USP45: variants seen among roughly 807,000 people sequenced by gnomAD.
USP45 encodes the protein ubiquitin specific peptidase 45.
Under a neutral mutation model 95.8 loss-of-function variants are expected in USP45, and 89 were observed. The observed-to-expected ratio is 0.93, with a 90% CI of 0.78 to 1.11. The LOEUF is 1.11. USP45 is among the 50% of genes least tolerant of loss of function. The pLI is 0.00. For missense variants in USP45, 898 were observed against 942.5 expected, an observed-to-expected ratio of 0.95 and a Z score of 0.62; for synonymous variants, 281 against 316.2, an observed-to-expected ratio of 0.89 and a Z score of 1.18.
intron 9 of USP45, among the ~76,000 whole-genome samples, chr6:99,471,182 C>T (rs1789305140): frequency 6.6e-6 from 1 of 152,074 alleles, no homozygotes; most frequent in African/African-American, 2.4e-5. Context: ...GTTTAAAAGT[C>T]AATTAATAGG....
chr6:99,485,800 G>A (rs1330262185), intron 7 of USP45, among the ~76,000 whole-genome samples: 1 of 152,172 alleles, frequency 6.6e-6, no homozygotes, highest in Non-Finnish European at 1.5e-5. Flanking sequence ...ACTGGGGTTT[G>A]TAACAAGAAT....
intron 5 of USP45, among the ~76,000 whole-genome samples, chr6:99,495,195 C>T (rs1337836283): frequency 2.6e-5 from 4 of 152,188 alleles, no homozygotes; most frequent in Non-Finnish European, 1.5e-5. Flanking sequence ...AAAATTTATA[C>T]TTTGGCCAAG....
intron 7 of USP45, among the ~76,000 whole-genome samples, chr6:99,483,663 C>A (rs986005115): frequency 2.6e-5 from 4 of 151,102 alleles, no homozygotes; most frequent in African/African-American, 4.9e-5. Flanking sequence ...AAGGTGAAAC[C>A]CTGTCTCTAC....
At chr6:99,505,496 A>C (rs1404436089) in intron 4 of USP45, among the ~76,000 whole-genome samples, 6 of 151,674 alleles carry the variant, frequency 4.0e-5, no homozygotes, top group Admixed American at 6.6e-5. Context: ...TGAAATACCA[A>C]CTCTACTAAA....
chr6:99,514,482 A>G (rs1419419328), intron 1 of USP45, among the ~76,000 whole-genome samples: 2 of 152,000 alleles, frequency 1.3e-5, no homozygotes, highest in Non-Finnish European at 2.9e-5. Context: ...AAGGCCTGCT[A>G]TGTTAACTCT....
chr6:99,509,657 A>G (rs1223214407), intron 2 of USP45, among the ~76,000 whole-genome samples: 1 of 152,072 alleles, frequency 6.6e-6, no homozygotes, highest in East Asian at 1.9e-4. Flanking sequence ...CAAAAAAAAA[A>G]AAAAAGCCAA....
At chr6:99,494,677 T>TA (rs548159808) in intron 5 of USP45, among the ~76,000 whole-genome samples, 177 of 152,218 alleles carry the variant, frequency 1.2e-3, no homozygotes, top group African/African-American at 4.2e-3. Context: ...CAGGATCACT[T>TA]AAAGTCAGGA....
intron 5 of USP45, among the ~76,000 whole-genome samples, chr6:99,499,636 C>T (rs902856284): frequency 3.9e-5 from 6 of 152,176 alleles, no homozygotes; most frequent in African/African-American, 1.4e-4. Flanking sequence ...GAAAGCTCCA[C>T]TCCCTCTCAA....
chr6:99,500,358 A>G (rs769529043), intron 5 of USP45, among the ~76,000 whole-genome samples: 4 of 152,112 alleles, frequency 2.6e-5, no homozygotes, highest in Non-Finnish European at 4.4e-5. Context: ...TCCTGGCCTC[A>G]AGTGATCTGC....
chr6:99,445,509 A>T (rs988615526), intron 14 of USP45, among the ~76,000 whole-genome samples: 10 of 151,400 alleles, frequency 6.6e-5, no homozygotes, highest in African/African-American at 2.2e-4. Flanking sequence ...AGTTGTAGGG[A>T]TATTTCTTCT....
At chr6:99,483,613 T>G (rs1281457085) in intron 7 of USP45, among the ~76,000 whole-genome samples, 6 of 148,188 alleles carry the variant, frequency 4.0e-5, no homozygotes, top group Non-Finnish European at 9.0e-5. Flanking sequence ...CCGAGGCGGG[T>G]GGATCATGAG....
chr6:99,432,401 CAAT>C lies in USP45; in HGVS notation c.*3312_*3314del, dbSNP rs1319498357. On this transcript the variant is annotated 3_prime_UTR_variant, in exon 18 of 18. Transcript: ENST00000500704. ...ATGCATTGTTGATAAAACATTCTGT[CAAT>C]AACGTAAACTGTGAAAATTCCAGGA... is the stretch of plus-strand genomic sequence containing the variant. 1 of 151,396 alleles carries C rather than the reference CAAT, an allele frequency of 6.6e-6. No homozygotes were observed. Among genetic ancestry groups the C allele is most frequent in the African/African-American group, 2.5e-5 (1 of 40,750 alleles). 9.4% of individuals were successfully genotyped at this position (151,396 alleles called of 1,614,324 possible). A position where few individuals can be genotyped will look rare whatever the true frequency, so the allele number is the denominator to read the frequency against.
chr6:99,462,532 G>A (rs1786718644), intron 13 of USP45: 5 of 985,356 alleles, frequency 5.1e-6, no homozygotes, highest in Non-Finnish European at 6.0e-6. Context: ...AACTCTGTAA[G>A]ATGCTTTGTT....
In USP45 at chr6:99,465,090, ATT is replaced by A; in HGVS notation, c.1152_1153del (p.Ile385ArgfsTer15). Reference sequence around the variant, plus strand: ...TTTTCTTCTCCTTACCCTTTCTTCTATTATAGGAAGTGAAATATCAATGAATG... The same window carrying A: ...TTTTCTTCTCCTTACCCTTTCTTCTAATAGGAAGTGAAATATCAATGAATG... On this transcript the variant is annotated frameshift_variant, in exon 12 of 18. Transcript: ENST00000500704. LOFTEE classifies it high-confidence loss of function. The A allele has an allele frequency of 1.3e-6, 2 of 1,599,108 alleles. No individual in the cohort carries two copies. The highest frequency in any genetic ancestry group is 1.7e-6 in the Non-Finnish European group (2 of 1,171,396).
intron 8 of USP45, among the ~76,000 whole-genome samples, chr6:99,480,102 T>C (rs1233630472): frequency 6.6e-6 from 1 of 152,162 alleles, no homozygotes; most frequent in South Asian, 2.1e-4. Flanking sequence ...TTTCTGTATA[T>C]TAACAATGAA....
At chr6:99,457,698 T>C (rs6916617) in intron 13 of USP45, among the ~76,000 whole-genome samples, 46,052 of 152,068 alleles carry the variant, frequency 0.3, 7,273 homozygotes, top group Middle Eastern at 0.39. Flanking sequence ...TCTGATTGAA[T>C]AGTTTCCAAA....
intron 14 of USP45, among the ~76,000 whole-genome samples, chr6:99,444,912 C>T (rs780526376): frequency 3.5e-4 from 54 of 152,250 alleles, no homozygotes; most frequent in Admixed American, 1.2e-3. Context: ...TTAGCCTCAC[C>T]GTACCTGAAT....
intron 5 of USP45, among the ~76,000 whole-genome samples, chr6:99,494,795 G>A (rs1332447654): frequency 6.6e-6 from 1 of 152,182 alleles, no homozygotes; most frequent in Admixed American, 6.5e-5. Flanking sequence ...TCAGGAGGCT[G>A]AGGCAGGAGA....
At chr6:99,476,365 T>TG in intron 8 of USP45, 135 bp from the exon 9 acceptor site, 1 of 825,232 alleles carries the variant, frequency 1.2e-6, no homozygotes, top group Non-Finnish European at 1.8e-6. Flanking sequence ...TCCCAGCATT[T>TG]GGGAGGCCAA....
Sources: allele counts gnomAD v4.1 joint callset (sites outside exome capture counted in the v4.1 genomes callset), GRCh38; gene constraint gnomAD v4.1.1; transcripts MANE v1.5; gene names NCBI Gene and HGNC (gene_info 2026-07-23, HGNC 2026-07-21).